Variants in SNX8 observed in about 807,000 individuals in gnomAD.
The protein encoded by SNX8 is sorting nexin 8.
SNX8 carries 25 observed loss-of-function variants against 51.6 expected under a neutral mutation model. That is an observed-to-expected ratio of 0.48 (90% CI 0.35 to 0.68). The LOEUF is 0.68. Among genes scored for constraint, SNX8 ranks in the 30% least tolerant of loss-of-function variants. SNX8 has a pLI of 0.00. For missense variants in SNX8, 695 were observed against 624.0 expected, an observed-to-expected ratio of 1.11 and a Z score of -1.21; for synonymous variants, 324 against 277.0, an observed-to-expected ratio of 1.17 and a Z score of -1.68.
chr7:2,270,868 G>A (rs987125338), intron 4 of SNX8, among the ~76,000 whole-genome samples: 2 of 151,938 alleles, frequency 1.3e-5, no homozygotes, highest in Non-Finnish European at 2.9e-5. Flanking sequence ...CATTCAAGAC[G>A]GGGTTTCCCT....
intron 1 of SNX8, among the ~76,000 whole-genome samples, chr7:2,301,895 A>C (rs1159329605): frequency 6.6e-6 from 1 of 152,098 alleles, no homozygotes; most frequent in South Asian, 2.1e-4. Flanking sequence ...TCAGCTTGTT[A>C]GTTCACACAC....
intron 10 of SNX8, 25 bp from the exon 11 acceptor site, chr7:2,255,194 G>A (rs1042564187): frequency 1.4e-6 from 2 of 1,438,596 alleles, no homozygotes; most frequent in Middle Eastern, 1.8e-4. Flanking sequence ...AAGAGAACAA[G>A]ATCAGCAGGC....
chr7:2,286,007 C>T (rs1028295569), intron 1 of SNX8, among the ~76,000 whole-genome samples: 2 of 143,550 alleles, frequency 1.4e-5, no homozygotes, highest in African/African-American at 5.1e-5. Flanking sequence ...TAAACAGTAA[C>T]TTTTTTTTTT....
intron 1 of SNX8, among the ~76,000 whole-genome samples, chr7:2,282,849 T>C (rs997797605): frequency 1.3e-5 from 2 of 151,728 alleles, no homozygotes; most frequent in Non-Finnish European, 2.9e-5. Flanking sequence ...TGGCCAGGCA[T>C]GGTGGCTCAC....
chr7:2,338,801 G>T (rs1467731671), intron 1 of SNX8, among the ~76,000 whole-genome samples: 1 of 151,950 alleles, frequency 6.6e-6, no homozygotes, highest in East Asian at 1.9e-4. Flanking sequence ...GGTGGCTCAT[G>T]CCTATAATTT....
intron 1 of SNX8, among the ~76,000 whole-genome samples, chr7:2,346,548 C>G (rs921399528): frequency 3.3e-5 from 5 of 151,202 alleles, no homozygotes; most frequent in African/African-American, 4.9e-5. Context: ...GAGATCGAGA[C>G]CATCCTGGCT....
chr7:2,323,822 T>C (rs1443912950), intron 1 of SNX8, among the ~76,000 whole-genome samples: 3 of 152,122 alleles, frequency 2.0e-5, no homozygotes, highest in African/African-American at 7.2e-5. Flanking sequence ...TGTTTTTGTT[T>C]TGAGACCGAC....
At chr7:2,275,892 G>A (rs561240629) in intron 2 of SNX8, among the ~76,000 whole-genome samples, 4 of 152,100 alleles carry the variant, frequency 2.6e-5, no homozygotes, top group Admixed American at 2.0e-4. Context: ...CAGCTACTCA[G>A]GAAGCTGAGG....
chr7:2,278,640 G>A (rs1204874259), intron 1 of SNX8, among the ~76,000 whole-genome samples: 2 of 143,232 alleles, frequency 1.4e-5, no homozygotes, highest in Non-Finnish European at 3.0e-5. Flanking sequence ...CTACGGAGTC[G>A]AAGCCGGACT....
chr7:2,294,005 T>G (rs1796216021), intron 1 of SNX8, among the ~76,000 whole-genome samples: 2 of 149,032 alleles, frequency 1.3e-5, no homozygotes, highest in South Asian at 2.1e-4. Flanking sequence ...GGCTCATGCC[T>G]GTAATCCCAG....
intron 1 of SNX8, among the ~76,000 whole-genome samples, chr7:2,344,509 G>A (rs903871019): frequency 1.3e-5 from 2 of 152,010 alleles, no homozygotes; most frequent in African/African-American, 4.8e-5. Context: ...CTACTTGGGA[G>A]GCTGAGGCAG....
intron 1 of SNX8, among the ~76,000 whole-genome samples, chr7:2,325,148 A>G (rs73043286): frequency 0.021 from 3,129 of 152,252 alleles, 50 homozygotes; most frequent in Admixed American, 0.07. Flanking sequence ...TTTTATAAAA[A>G]AATTTTTTTA....
At chr7:2,283,407 G>A (rs970475499) in intron 1 of SNX8, among the ~76,000 whole-genome samples, 3 of 152,208 alleles carry the variant, frequency 2.0e-5, no homozygotes, top group African/African-American at 4.8e-5. Flanking sequence ...CTCCAGGTCC[G>A]CGCCGCCCAG....
rs1224972988 is a variant in SNX8, at chr7:2,257,487, C to A, written c.1012G>T (p.Val338Leu). ...AGGGCCCGCTGGTGCTTGTGCAACA[C>A]GCCCTTCTCATGCCGCTCGCACAGG... ...KDLCERHEKG[V>L]LHKHQRALHK... The change falls in exon 9 of 11, where the codon GTG becomes TTG. Residue 338 changes from valine (V) to leucine (L), a missense_variant. Coordinates refer to ENST00000222990, the MANE Select transcript of SNX8 (RefSeq NM_013321.4). The A allele has an allele frequency of 6.2e-7, 1 of 1,605,660 alleles. No individual in the cohort carries two copies. Among genetic ancestry groups the A allele is most frequent in the Non-Finnish European group, 8.5e-7 (1 of 1,177,938 alleles).
At chr7:2,281,074 T>A (rs998691417) in intron 1 of SNX8, among the ~76,000 whole-genome samples, 1 of 152,094 alleles carries the variant, frequency 6.6e-6, no homozygotes, top group African/African-American at 2.4e-5. Flanking sequence ...ATTACAGGCA[T>A]GAGACACCGC....
intron 4 of SNX8, among the ~76,000 whole-genome samples, chr7:2,270,312 T>TAAA (rs1562429109): frequency 1.4e-3 from 4 of 2,900 alleles, no homozygotes; most frequent in Non-Finnish European, 4.3e-3. Context: ...ACTCTCATTT[T>TAAA]ACAAAAAAAA....
intron 1 of SNX8, among the ~76,000 whole-genome samples, chr7:2,351,697 G>T (rs996124524): frequency 4.0e-5 from 6 of 151,688 alleles, no homozygotes; most frequent in African/African-American, 1.5e-4. Flanking sequence ...CGGGTGTGGT[G>T]GCAGGCGCCT....
At position 2,295,877 on chromosome 7, in the gene SNX8, A is replaced by G; in HGVS notation, c.95-17572T>C. On this transcript the variant is annotated intron_variant, in intron 1 of 10. Transcript: ENST00000222990. The stretch of plus-strand genomic sequence containing the variant: ...GTGATATGTTTTTGTATGTTTTGTC[A>G]AAGATCAGCTGCTTGTAAAAATGTA... Among the ~76,000 whole-genome samples, 2 of 152,140 alleles carry G rather than the reference A, an allele frequency of 1.3e-5. 1 individual carries two copies.
chr7:2,256,768 G>A (rs1795189589), intron 10 of SNX8, 106 bp downstream of exon 10: 1 of 1,168,352 alleles, frequency 8.6e-7, no homozygotes, highest in Admixed American at 2.7e-5. Flanking sequence ...CTCCACTAAA[G>A]AACCTCTCTA....
Sources: allele counts gnomAD v4.1 joint callset (sites outside exome capture counted in the v4.1 genomes callset), GRCh38; gene constraint gnomAD v4.1.1; transcripts MANE v1.5; gene names NCBI Gene and HGNC (gene_info 2026-07-23, HGNC 2026-07-21).